Variants in DOCK5 observed in about 807,000 individuals in gnomAD.
DOCK5 encodes the protein dedicator of cytokinesis protein 5.
In DOCK5, 142 loss-of-function variants were observed where a neutral mutation model predicts 251.8. The observed-to-expected ratio is 0.56, with a 90% CI of 0.49 to 0.65. The LOEUF is 0.65. Among genes scored for constraint, DOCK5 ranks in the 30% least tolerant of loss-of-function variants. The pLI is 0.00. For missense variants in DOCK5, 2,111 were observed against 2,312.3 expected (o/e 0.91, Z 1.79); for synonymous variants, 842 against 835.5 (o/e 1.01, Z -0.13).
intron 1 of DOCK5, among the ~76,000 whole-genome samples, chr8:25,218,944 A>C (rs914660389): frequency 3.4e-4 from 51 of 152,136 alleles, no homozygotes; most frequent in African/African-American, 1.2e-3. Flanking sequence ...ATCAAGTAAC[A>C]CTTTCCTTCG....
rs1199980874 is a variant in DOCK5 at position 25,300,618 on chromosome 8, G to A, written c.807G>A (p.Lys269=). The A allele has an allele frequency of 6.2e-7, 1 of 1,613,382 alleles. No homozygotes were observed. The highest frequency in any genetic ancestry group is 8.5e-7 in the Non-Finnish European group (1 of 1,179,662). The change falls in exon 9 of 52, where the codon AAG becomes AAA. Residue 269 remains lysine, a synonymous_variant. Transcript: ENST00000276440. The part of the protein sequence containing the change: ...LIRWGSNGMP[K]EIEKLNNLQA... The stretch of plus-strand genomic sequence containing the variant: ...GTTGGGGCAGTAACGGGATGCCCAA[G>A]GAAATAGAGAAGCTCAATAACCTCC...
At chr8:25,364,789 T>A (rs1469913339) in intron 30 of DOCK5, 85 bp downstream of exon 30, 2 of 946,946 alleles carry the variant, frequency 2.1e-6, no homozygotes, top group Non-Finnish European at 3.2e-6. Flanking sequence ...TCTCCTCAGA[T>A]TTCACTGTTT....
In DOCK5 at chr8:25,230,393, C is replaced by T. The variant is rs535201935; in HGVS notation, c.44-13281C>T. Among the ~76,000 whole-genome samples, 52 of 152,244 alleles carry T rather than the reference C, an allele frequency of 3.4e-4. 2 individuals carry two copies. The highest frequency in any genetic ancestry group is 1.1e-3 in the African/African-American group (46 of 41,538). Reference sequence around the variant, plus strand: ...TCACGTAATTCCGATGTGTGCTAAACGTCGCGAACCACTGGAATAATACCT... The same window carrying T: ...TCACGTAATTCCGATGTGTGCTAAATGTCGCGAACCACTGGAATAATACCT... On this transcript the variant is annotated intron_variant, in intron 1 of 51. Transcript: ENST00000276440.
At chr8:25,384,120 A>G (rs1801117124) in intron 40 of DOCK5, among the ~76,000 whole-genome samples, 1 of 152,226 alleles carries the variant, frequency 6.6e-6, no homozygotes, top group South Asian at 2.1e-4. Context: ...TGATACACAC[A>G]ACTGCGGGCA....
chr8:25,328,163 C>T (rs1805605958), intron 18 of DOCK5, among the ~76,000 whole-genome samples: 1 of 151,886 alleles, frequency 6.6e-6, no homozygotes, highest in South Asian at 2.1e-4. Flanking sequence ...CTTTGGATGA[C>T]ACTGTATGCT....
Position 25,408,167 on chromosome 8 carries a change from A to G in DOCK5, c.5265+13A>G, listed in dbSNP as rs1451024300. 6.4e-7 allele frequency: 1 copy of G among 1,554,842 alleles called. No individual in the cohort carries two copies. Among genetic ancestry groups the G allele is most frequent in the Non-Finnish European group, 8.7e-7 (1 of 1,150,564 alleles). On this transcript the variant is annotated intron_variant, in intron 49 of 51. Coordinates refer to ENST00000276440, the MANE Select transcript of DOCK5 (RefSeq NM_024940.8). Reference sequence around the variant, plus strand: ...ACCCGATTTGATGGTAAAAAACAGAAAAGAAAAAAAGAAATCTCTGGAGGC... The same window carrying G: ...ACCCGATTTGATGGTAAAAAACAGAGAAGAAAAAAAGAAATCTCTGGAGGC...
chr8:25,375,571 C>T (rs1800949607), intron 37 of DOCK5: 1 of 517,180 alleles, frequency 1.9e-6, no homozygotes, highest in South Asian at 8.4e-5. Context: ...TGACTACCAC[C>T]TTGGTCCATC....
At position 25,317,004 on chromosome 8, in the gene DOCK5, CAGG is replaced by C. The variant is rs753289552; in HGVS notation, c.1319_1321del (p.Gly440del). 3.1e-6 allele frequency: 5 copies of C among 1,613,636 alleles called. No individual in the cohort carries two copies. The highest frequency in any genetic ancestry group is 1.7e-5 in the Admixed American group (1 of 60,012). On this transcript the variant is annotated splice_acceptor_variant and coding_sequence_variant, in exon 14 of 52. Coordinates refer to ENST00000276440, the MANE Select transcript of DOCK5 (RefSeq NM_024940.8). LOFTEE classifies it high-confidence loss of function. ...CACTCACAGCATGCTTATCATGTTG[CAGG>C]AGATGTTCGGAATGACATTTATGTC...
At chr8:25,237,994 A>G (rs1240051967) in intron 1 of DOCK5, among the ~76,000 whole-genome samples, 2 of 152,162 alleles carry the variant, frequency 1.3e-5, no homozygotes, top group East Asian at 3.9e-4. Flanking sequence ...CCATTTCTCT[A>G]GCTTTCTCTA....
intron 30 of DOCK5, among the ~76,000 whole-genome samples, chr8:25,365,373 G>C (rs542556989): frequency 3.8e-4 from 58 of 152,272 alleles, no homozygotes; most frequent in African/African-American, 1.3e-3. Flanking sequence ...TGTATCTGTG[G>C]AACTGTTATC....
At chr8:25,323,775 G>A in intron 16 of DOCK5, 73 bp from the exon 17 acceptor site, 2 of 1,525,808 alleles carry the variant, frequency 1.3e-6, no homozygotes, top group Non-Finnish European at 8.9e-7. Context: ...CGAGCAAAAT[G>A]TGAAATCGTG....
At chr8:25,271,069 G>T in intron 3 of DOCK5, 1 of 402,608 alleles carries the variant, frequency 2.5e-6, no homozygotes, top group Non-Finnish European at 4.4e-6. Context: ...AGGGCCTTGT[G>T]TATATAAAAA....
chr8:25,271,605 G>T (rs988930089), intron 3 of DOCK5, among the ~76,000 whole-genome samples: 3 of 152,214 alleles, frequency 2.0e-5, no homozygotes, highest in Admixed American at 1.3e-4. Context: ...AAAGGAGCTA[G>T]TTGATGATAA....
chr8:25,351,701 G>T (rs370833606), intron 26 of DOCK5, 30 bp from the exon 27 acceptor site: 31 of 1,570,496 alleles, frequency 2.0e-5, no homozygotes, highest in Non-Finnish European at 2.6e-5. Flanking sequence ...GAGTCAGAAG[G>T]AATGGAGTCA....
At chr8:25,346,043 G>A (rs1229266835) in intron 26 of DOCK5, among the ~76,000 whole-genome samples, 1 of 152,112 alleles carries the variant, frequency 6.6e-6, no homozygotes, top group African/African-American at 2.4e-5. Flanking sequence ...GTAGAGACGG[G>A]GTTTCACTGT....
chr8:25,202,061 G>T (rs1475626690), intron 1 of DOCK5, among the ~76,000 whole-genome samples: 1 of 151,916 alleles, frequency 6.6e-6, no homozygotes, highest in African/African-American at 2.4e-5. Flanking sequence ...CTGTCACCCA[G>T]GCTGGAGCGC....
intron 1 of DOCK5, among the ~76,000 whole-genome samples, chr8:25,236,434 A>T (rs866780153): frequency 6.6e-6 from 1 of 152,224 alleles, no homozygotes; most frequent in Non-Finnish European, 1.5e-5. Flanking sequence ...AGCATAAGAA[A>T]ATGAAATCTG....
At chr8:25,204,618 A>T (rs1489017064) in intron 1 of DOCK5, among the ~76,000 whole-genome samples, 1 of 152,234 alleles carries the variant, frequency 6.6e-6, no homozygotes, top group East Asian at 1.9e-4. Flanking sequence ...AACTTTGTCT[A>T]CAAAGGTTTG....
rs117379473 is a variant in DOCK5 at position 25,301,655 on chromosome 8, A to G, written c.847-670A>G. ...CAAGGAGGCTGGATCCCTTGAGCCT[A>G]GACGTTCAAGGCCAAGGCCAGCCTG... On this transcript the variant is annotated intron_variant, in intron 9 of 51. Coordinates refer to ENST00000276440, the MANE Select transcript of DOCK5 (RefSeq NM_024940.8). Among the ~76,000 whole-genome samples, 11 of 151,914 alleles carry G rather than the reference A, an allele frequency of 7.2e-5. No homozygotes were observed. The East Asian group carries it at 2.1e-3, about 29-fold the overall frequency.
Sources: gnomAD v4.1 joint callset for allele counts (sites outside exome capture counted in the v4.1 genomes callset) on GRCh38, gnomAD v4.1.1 for gene constraint, MANE v1.5 for transcripts, NCBI Gene and HGNC (gene_info 2026-07-23, HGNC 2026-07-21) for gene names.